MAML2: variants seen among roughly 807,000 people sequenced by gnomAD.
MAML2 encodes the protein mastermind like transcriptional coactivator 2.
MAML2 carries 22 observed loss-of-function variants against 96.1 expected under a neutral mutation model. That is an observed-to-expected ratio of 0.23 (90% confidence interval 0.16 to 0.33). The LOEUF (loss-of-function observed/expected upper bound fraction) is 0.33. MAML2 is among the 10% of genes least tolerant of loss of function. The pLI, the probability that MAML2 is intolerant of heterozygous loss-of-function variation, is 1.00. For missense variants in MAML2, 1,367 were observed against 1,392.4 expected (o/e 0.98, Z 0.29); for synonymous variants, 561 against 521.3 (o/e 1.08, Z -1.04).
At chr11:96,254,287 T>G (rs1196921879) in intron 1 of MAML2, among the ~76,000 whole-genome samples, 1 of 152,064 alleles carries the variant, frequency 6.6e-6, no homozygotes, top group Non-Finnish European at 1.5e-5. Context: ...AAACATCCTT[T>G]GTTGCCGGAC....
intron 1 of MAML2, among the ~76,000 whole-genome samples, chr11:96,305,701 C>T (rs1863453364): frequency 6.6e-6 from 1 of 152,104 alleles, no homozygotes; most frequent in South Asian, 2.1e-4. Context: ...GGAATTTTTT[C>T]TATGTTAGAA....
chr11:96,015,086 T>A lies in MAML2; in HGVS notation c.2140-23363A>T, dbSNP rs918919328. Among the ~76,000 whole-genome samples, 6 of 152,166 alleles carry A rather than the reference T, an allele frequency of 3.9e-5. No homozygotes were observed. In the East Asian group the frequency reaches 7.7e-4, roughly 20 times the overall value. On this transcript the variant is annotated intron_variant, in intron 2 of 4. Coordinates refer to ENST00000524717, the MANE Select transcript of MAML2 (RefSeq NM_032427.4). Reference sequence around the variant, plus strand: ...GAAGCTAAATACTTCATCTAGTTAGTCAGTGATTGAGCCAAAAGTCTATCT... The same window carrying A: ...GAAGCTAAATACTTCATCTAGTTAGACAGTGATTGAGCCAAAAGTCTATCT...
intron 2 of MAML2, among the ~76,000 whole-genome samples, chr11:96,001,652 C>T (rs776238728): frequency 1.6e-4 from 25 of 152,080 alleles, no homozygotes; most frequent in African/African-American, 2.9e-4. Flanking sequence ...CACTCCCCAC[C>T]GCAAACGTTG....
At chr11:96,026,108 C>T (rs1858512872) in intron 2 of MAML2, among the ~76,000 whole-genome samples, 1 of 152,164 alleles carries the variant, frequency 6.6e-6, no homozygotes. Flanking sequence ...TAACTAGCCC[C>T]AGTTAGACTG....
At chr11:96,084,762 C>T (rs1939479) in intron 2 of MAML2, among the ~76,000 whole-genome samples, 9 of 151,946 alleles carry the variant, frequency 5.9e-5, no homozygotes, top group East Asian at 1.9e-4. Context: ...CCAGAAAGTG[C>T]GATACACACA....
chr11:96,073,343 G>T (rs1859378767), intron 2 of MAML2, among the ~76,000 whole-genome samples: 5 of 124,754 alleles, frequency 4.0e-5, no homozygotes, highest in African/African-American at 1.2e-4. Flanking sequence ...TTTTTTTTGA[G>T]ACAGTCTCGC....
chr11:96,258,372 G>A (rs1862697908), intron 1 of MAML2, among the ~76,000 whole-genome samples: 1 of 152,042 alleles, frequency 6.6e-6, no homozygotes, highest in Non-Finnish European at 1.5e-5. Flanking sequence ...TCAAGTATGT[G>A]GATTATATTT....
intron 1 of MAML2, among the ~76,000 whole-genome samples, chr11:96,251,994 AGT>A (rs1949547436): frequency 2.0e-5 from 3 of 152,236 alleles, no homozygotes; most frequent in Admixed American, 6.5e-5. Context: ...AGCCTCCCAA[AGT>A]GCTGGGATTA....
At chr11:96,178,072 G>A (rs1272214496) in intron 1 of MAML2, among the ~76,000 whole-genome samples, 6 of 143,010 alleles carry the variant, frequency 4.2e-5, no homozygotes, top group Admixed American at 3.7e-4. Flanking sequence ...GTTTCTTTCT[G>A]GGAATTTTTC....
At chr11:96,131,012 A>C (rs761946354) in intron 1 of MAML2, among the ~76,000 whole-genome samples, 1 of 152,224 alleles carries the variant, frequency 6.6e-6, no homozygotes, top group South Asian at 2.1e-4. Flanking sequence ...CATAAATTTC[A>C]TAACAGAGCT....
chr11:96,212,932 A>G (rs997706895), intron 1 of MAML2, among the ~76,000 whole-genome samples: 3 of 152,218 alleles, frequency 2.0e-5, no homozygotes, highest in Non-Finnish European at 4.4e-5. Flanking sequence ...CTTGGGTAAG[A>G]CACTCTACCA....
chr11:96,144,943 T>G (rs1019682291), intron 1 of MAML2, among the ~76,000 whole-genome samples: 3 of 152,202 alleles, frequency 2.0e-5, no homozygotes, highest in Non-Finnish European at 1.5e-5. Context: ...CAACTTCCAA[T>G]GCATTGGATT....
At chr11:96,067,200 C>T (rs1425656602) in intron 2 of MAML2, among the ~76,000 whole-genome samples, 1 of 152,228 alleles carries the variant, frequency 6.6e-6, no homozygotes, top group African/African-American at 2.4e-5. Context: ...CCTTGCCCTT[C>T]AGAACTGTTT....
chr11:96,289,959 TCAGTTAGA>T (rs1277856566), intron 1 of MAML2, among the ~76,000 whole-genome samples: 3 of 152,116 alleles, frequency 2.0e-5, no homozygotes, highest in Non-Finnish European at 4.4e-5. Flanking sequence ...TCAGGGAAAA[TCAGTTAGA>T]AAGGGCCTTA....
chr11:96,338,998 C>T (rs139560727), intron 1 of MAML2, among the ~76,000 whole-genome samples: 10 of 152,278 alleles, frequency 6.6e-5, no homozygotes, highest in Admixed American at 1.3e-4. Flanking sequence ...TCTCTGAGTA[C>T]CGTGCTGAGT....
At chr11:96,258,731 A>G (rs1020551851) in intron 1 of MAML2, among the ~76,000 whole-genome samples, 1 of 152,248 alleles carries the variant, frequency 6.6e-6, no homozygotes, top group African/African-American at 2.4e-5. Context: ...ACCTATGAGC[A>G]GAGAGGCCCA....
rs1864006446 is a variant in MAML2 at position 96,342,141 on chromosome 11, ACTTACT to A, written c.-252_-247del. 1.9e-6 allele frequency: 1 copy of A among 521,592 alleles called. No individual in the cohort carries two copies. The highest frequency in any genetic ancestry group is 3.4e-6 in the Non-Finnish European group (1 of 295,560). 32.3% of individuals were successfully genotyped at this position (521,592 alleles called of 1,614,324 possible). A position where few individuals can be genotyped will look rare whatever the true frequency, so the allele number is the denominator to read the frequency against. ...ATAAGTTGGAAACAAACCCTGATTA[ACTTACT>A]CTAATTGCATTTGACAGCTCTGGAG... On this transcript the variant is annotated 5_prime_UTR_variant, in exon 1 of 5. The change abolishes the stop of an existing upstream ORF in the 5' untranslated region. Coordinates refer to ENST00000524717, the MANE Select transcript of MAML2 (RefSeq NM_032427.4).
intron 1 of MAML2, among the ~76,000 whole-genome samples, chr11:96,123,013 C>T (rs1237938511): frequency 6.6e-6 from 1 of 152,230 alleles, no homozygotes; most frequent in Non-Finnish European, 1.5e-5. Flanking sequence ...TCCATCTATT[C>T]AAAACCATTC....
intron 1 of MAML2, among the ~76,000 whole-genome samples, chr11:96,327,496 C>T (rs564309578): frequency 1.3e-5 from 2 of 152,186 alleles, no homozygotes; most frequent in East Asian, 1.9e-4. Flanking sequence ...GGCACAATCT[C>T]GGCTCACGGC....
Sources: gnomAD v4.1 joint callset for allele counts (sites outside exome capture counted in the v4.1 genomes callset) on GRCh38, gnomAD v4.1.1 for gene constraint, MANE v1.5 for transcripts, NCBI Gene and HGNC (gene_info 2026-07-23, HGNC 2026-07-21) for gene names.